Variants in NRXN3 observed in about 807,000 individuals in gnomAD.
NRXN3 encodes the protein neurexin 3.
NRXN3 carries 32 observed loss-of-function variants against 137.6 expected under a neutral mutation model. The ratio of observed to expected loss-of-function variants is 0.23; its 90% CI spans 0.18 to 0.31. The LOEUF (loss-of-function observed/expected upper bound fraction) is 0.31. Ranked by LOEUF, NRXN3 falls within the 10% of genes least tolerant of loss-of-function variation. The pLI is 1.00. For missense variants in NRXN3, 1,574 were observed against 2,062.5 expected (o/e 0.76, Z 4.59); for synonymous variants, 798 against 784.5 (o/e 1.02, Z -0.29).
chr14:79,629,390 C>G (rs920121998), intron 16 of NRXN3, among the ~76,000 whole-genome samples: 2 of 152,178 alleles, frequency 1.3e-5, no homozygotes, highest in Non-Finnish European at 2.9e-5. Context: ...CCTCCTGGAT[C>G]TGAAACACCT....
chr14:78,785,196 G>A (rs1410044532), intron 8 of NRXN3, among the ~76,000 whole-genome samples: 3 of 152,170 alleles, frequency 2.0e-5, no homozygotes, highest in African/African-American at 7.2e-5. Context: ...AATAATGTGG[G>A]AGATATTTTT....
chr14:78,741,329 G>A (rs1331236563), intron 8 of NRXN3, among the ~76,000 whole-genome samples: 1 of 152,004 alleles, frequency 6.6e-6, no homozygotes, highest in African/African-American at 2.4e-5. Context: ...AGAACGAAGT[G>A]GACTCTTCAG....
intron 15 of NRXN3, among the ~76,000 whole-genome samples, chr14:79,166,961 C>G (rs577742380): frequency 5.1e-4 from 78 of 152,106 alleles, no homozygotes; most frequent in African/African-American, 1.7e-3. Context: ...TTCAAGAGCA[C>G]AGATGATAAA....
rs116709518 is a variant in NRXN3 at position 78,789,391 on chromosome 14, C to T, written c.2045-14229C>T. ...ATTTGGAAATGTCTGGAGATGCTTT[C>T]GGTTGTCACGACCAAAGGGAGTGCC... On this transcript the variant is annotated intron_variant, in intron 8 of 20. Coordinates refer to ENST00000335750, the MANE Select transcript of NRXN3 (RefSeq NM_001330195.2). Among the ~76,000 whole-genome samples, 1,323 of 152,200 alleles carry T rather than the reference C, an allele frequency of 8.7e-3. 22 individuals are homozygous for T. Among genetic ancestry groups the T allele is most frequent in the African/African-American group, 0.03 (1,245 of 41,532 alleles).
chr14:78,328,268 A>G (rs1249988262), intron 4 of NRXN3, among the ~76,000 whole-genome samples: 1 of 152,170 alleles, frequency 6.6e-6, no homozygotes, highest in Non-Finnish European at 1.5e-5. Flanking sequence ...CTGTTCGCTC[A>G]ATAGACGATG....
intron 8 of NRXN3, among the ~76,000 whole-genome samples, chr14:78,800,231 C>T (rs1325933225): frequency 6.6e-6 from 1 of 152,018 alleles, no homozygotes; most frequent in Non-Finnish European, 1.5e-5. Flanking sequence ...AGAATCAGAC[C>T]GCCTGCATGC....
At chr14:78,486,671 A>C (rs1334817057) in intron 4 of NRXN3, among the ~76,000 whole-genome samples, 2 of 152,094 alleles carry the variant, frequency 1.3e-5, no homozygotes, top group African/African-American at 4.8e-5. Context: ...TGAGACCCTA[A>C]ATCTGGTTTT....
At chr14:79,253,277 C>G (rs1568796736) in intron 15 of NRXN3, among the ~76,000 whole-genome samples, 2 of 152,128 alleles carry the variant, frequency 1.3e-5, no homozygotes, top group African/African-American at 2.4e-5. Flanking sequence ...GGTGTTGAAC[C>G]ACTACTCGTA....
At chr14:78,766,399 A>G (rs769931722) in intron 8 of NRXN3, among the ~76,000 whole-genome samples, 4 of 152,226 alleles carry the variant, frequency 2.6e-5, no homozygotes, top group Non-Finnish European at 4.4e-5. Flanking sequence ...CTTGCCAATT[A>G]CATTGCAAAA....
At chr14:79,746,332 G>A (rs1459583279) in intron 19 of NRXN3, among the ~76,000 whole-genome samples, 3 of 152,136 alleles carry the variant, frequency 2.0e-5, no homozygotes, top group Non-Finnish European at 4.4e-5. Flanking sequence ...AAGCAAGTTT[G>A]GAAAGCATAG....
At chr14:79,426,257 C>T (rs546643199) in intron 15 of NRXN3, among the ~76,000 whole-genome samples, 1 of 152,298 alleles carries the variant, frequency 6.6e-6, no homozygotes, top group Non-Finnish European at 1.5e-5. Flanking sequence ...CCATCACCAG[C>T]TATAGCAGCT....
intron 15 of NRXN3, among the ~76,000 whole-genome samples, chr14:78,991,028 T>C (rs1329124383): frequency 2.0e-5 from 3 of 152,212 alleles, no homozygotes; most frequent in East Asian, 1.9e-4. Context: ...TGATAAATTT[T>C]TGGTGGCGTA....
chr14:79,823,865 C>T (rs2099280334), intron 20 of NRXN3: 1 of 442,098 alleles, frequency 2.3e-6, no homozygotes, highest in South Asian at 1.6e-5. Context: ...TATAGCTTAA[C>T]ACATTAGTTC....
At chr14:79,711,472 T>C (rs1201938846) in intron 19 of NRXN3, among the ~76,000 whole-genome samples, 2 of 149,366 alleles carry the variant, frequency 1.3e-5, no homozygotes, top group African/African-American at 5.0e-5. Context: ...TATTTATTTC[T>C]TATTTATTTC....
intron 16 of NRXN3, among the ~76,000 whole-genome samples, chr14:79,518,976 G>C (rs2097027737): frequency 6.6e-6 from 1 of 152,040 alleles, no homozygotes; most frequent in African/African-American, 2.4e-5. Context: ...CTATGCCACA[G>C]AACAATTAAC....
chr14:79,721,221 C>A (rs1391620042), intron 19 of NRXN3, among the ~76,000 whole-genome samples: 1 of 152,070 alleles, frequency 6.6e-6, no homozygotes, highest in Non-Finnish European at 1.5e-5. Flanking sequence ...AAAATAAATT[C>A]TTACTACCTA....
chr14:78,746,788 G>T (rs575047089), intron 8 of NRXN3, among the ~76,000 whole-genome samples: 1 of 152,160 alleles, frequency 6.6e-6, no homozygotes, highest in South Asian at 2.1e-4. Flanking sequence ...CATTCACTCA[G>T]CTAGGAAGGG....
intron 16 of NRXN3, among the ~76,000 whole-genome samples, chr14:79,506,301 C>G (rs991787518): frequency 8.5e-5 from 13 of 152,180 alleles, no homozygotes; most frequent in African/African-American, 3.1e-4. Context: ...TTCCAGAGAA[C>G]TACCACTTTA....
chr14:78,520,047 C>G (rs2096265139), intron 4 of NRXN3, among the ~76,000 whole-genome samples: 1 of 152,182 alleles, frequency 6.6e-6, no homozygotes, highest in South Asian at 2.1e-4. Flanking sequence ...GGGTGGACCT[C>G]TCCATGGTGC....
Sources: allele counts gnomAD v4.1 joint callset (sites outside exome capture counted in the v4.1 genomes callset), GRCh38; gene constraint gnomAD v4.1.1; transcripts MANE v1.5; gene names NCBI Gene and HGNC (gene_info 2026-07-23, HGNC 2026-07-21).